Variants in ENTREP2 observed in about 807,000 individuals in gnomAD.
ENTREP2 encodes the protein endosomal transmembrane epsin interactor 2.
At chr15:29,658,423 G>A in the ENTREP2 span, among the ~76,000 whole-genome samples, 2 of 152,254 alleles carry the variant, frequency 1.3e-5, no homozygotes, top group South Asian at 2.1e-4. Context: ...ATAGCAGAGG[G>A]ATAATTGACG....
At chr15:29,355,001 G>A in the ENTREP2 span, among the ~76,000 whole-genome samples, 2 of 152,102 alleles carry the variant, frequency 1.3e-5, no homozygotes, top group Non-Finnish European at 2.9e-5. Flanking sequence ...GCACTGAGGG[G>A]AGACTGGAGT....
At chr15:29,423,458 T>C in the ENTREP2 span, among the ~76,000 whole-genome samples, 2 of 152,028 alleles carry the variant, frequency 1.3e-5, no homozygotes, top group African/African-American at 2.4e-5. Flanking sequence ...CCAATGGCAA[T>C]GTTTAAATGT....
the ENTREP2 span, among the ~76,000 whole-genome samples, chr15:29,293,258 CTT>C: frequency 6.8e-6 from 1 of 147,054 alleles, no homozygotes; most frequent in Non-Finnish European, 1.5e-5. Context: ...TTTATTGACT[CTT>C]TTTTTTTTTG....
At chr15:29,256,668 C>A in the ENTREP2 span, among the ~76,000 whole-genome samples, 1 of 152,194 alleles carries the variant, frequency 6.6e-6, no homozygotes. Flanking sequence ...AACCCAGGTT[C>A]ATTCCTTTTA....
chr15:29,553,465 T>C, the ENTREP2 span, among the ~76,000 whole-genome samples: 1 of 152,282 alleles, frequency 6.6e-6, no homozygotes, highest in South Asian at 2.1e-4. Flanking sequence ...AATTACCAGG[T>C]GTGGCTGTTT....
At chr15:29,534,408 T>A in the ENTREP2 span, among the ~76,000 whole-genome samples, 1 of 152,204 alleles carries the variant, frequency 6.6e-6, no homozygotes, top group Non-Finnish European at 1.5e-5. Flanking sequence ...CTTAGCTACT[T>A]TATTTATACC....
the ENTREP2 span, among the ~76,000 whole-genome samples, chr15:29,334,506 G>A: frequency 0.62 from 94,516 of 152,114 alleles, 33,240 homozygotes; most frequent in Non-Finnish European, 0.77. Flanking sequence ...TAAGGGCTAC[G>A]ATGAAAGTCT....
chr15:29,402,373 T>A, the ENTREP2 span, among the ~76,000 whole-genome samples: 2 of 151,734 alleles, frequency 1.3e-5, no homozygotes, highest in African/African-American at 4.9e-5. Flanking sequence ...TAGAATGCAG[T>A]GGCATGATCA....
the ENTREP2 span, among the ~76,000 whole-genome samples, chr15:29,415,951 A>T: frequency 6.6e-6 from 1 of 152,202 alleles, no homozygotes; most frequent in East Asian, 1.9e-4. Flanking sequence ...GATGTGAAGG[A>T]CCTCTTCAAG....
the ENTREP2 span, among the ~76,000 whole-genome samples, chr15:29,188,664 C>T: frequency 2.9e-4 from 44 of 152,258 alleles, no homozygotes; most frequent in African/African-American, 1.1e-3. Flanking sequence ...CTCCTAAATC[C>T]TTTGGAATTT....
the ENTREP2 span, among the ~76,000 whole-genome samples, chr15:29,650,034 T>C: frequency 6.6e-6 from 1 of 152,168 alleles, no homozygotes; most frequent in African/African-American, 2.4e-5. Flanking sequence ...CTGAGCTATA[T>C]CCCAGAGGAC....
At chr15:29,380,474 G>A in the ENTREP2 span, among the ~76,000 whole-genome samples, 9 of 152,170 alleles carry the variant, frequency 5.9e-5, no homozygotes, top group Non-Finnish European at 1.3e-4. Flanking sequence ...ATGCCACGCT[G>A]TCTTTTTCAT....
At chr15:29,211,232 C>G in the ENTREP2 span, among the ~76,000 whole-genome samples, 1 of 152,148 alleles carries the variant, frequency 6.6e-6, no homozygotes, top group Admixed American at 6.5e-5. Flanking sequence ...TGAAAATCTG[C>G]CCATCATCCC....
chr15:29,139,941 G>A, the ENTREP2 span, among the ~76,000 whole-genome samples: 5 of 152,174 alleles, frequency 3.3e-5, no homozygotes, highest in Admixed American at 6.5e-5. Context: ...TGCAGACTAC[G>A]CTTCCCAGGC....
chr15:29,650,301 C>G, the ENTREP2 span, among the ~76,000 whole-genome samples: 1 of 152,126 alleles, frequency 6.6e-6, no homozygotes, highest in African/African-American at 2.4e-5. Context: ...ACTACTTCGT[C>G]AAAAATCTAG....
At chr15:29,174,832 A>G in the ENTREP2 span, among the ~76,000 whole-genome samples, 2 of 152,220 alleles carry the variant, frequency 1.3e-5, no homozygotes, top group East Asian at 1.9e-4. Context: ...GGTAGAATTC[A>G]TAACACACTA....
chr15:29,272,019 C>G, the ENTREP2 span, among the ~76,000 whole-genome samples: 2 of 151,204 alleles, frequency 1.3e-5, no homozygotes, highest in African/African-American at 4.9e-5. Context: ...CAGACTACCC[C>G]TGTCACTGTG....
At chr15:29,665,782 T>A in the ENTREP2 span, among the ~76,000 whole-genome samples, 1 of 152,168 alleles carries the variant, frequency 6.6e-6, no homozygotes, top group Non-Finnish European at 1.5e-5. Context: ...AAGGTTCCTA[T>A]GTTCCTGTCT....
chr15:29,177,949 G>C, the ENTREP2 span, among the ~76,000 whole-genome samples: 1 of 152,064 alleles, frequency 6.6e-6, no homozygotes, highest in Non-Finnish European at 1.5e-5. Flanking sequence ...AGGGACACCC[G>C]GGTGGTGACA....
Sources: gnomAD v4.1 joint callset for allele counts (sites outside exome capture counted in the v4.1 genomes callset) on GRCh38, gnomAD v4.1.1 for gene constraint, MANE v1.5 for transcripts, NCBI Gene and HGNC (gene_info 2026-07-23, HGNC 2026-07-21) for gene names.